CHST12: variants seen among roughly 807,000 people sequenced by gnomAD.
CHST12 encodes carbohydrate sulfotransferase 12.
Under a neutral mutation model 27.9 loss-of-function variants are expected in CHST12, and 23 were observed. That is an observed-to-expected ratio of 0.82 (90% CI 0.59 to 1.17). The LOEUF is 1.17. Among genes scored for constraint, CHST12 ranks in the 50% most tolerant of loss-of-function variants. CHST12 has a pLI of 0.00. For synonymous variants in CHST12, 322 were observed against 273.0 expected (o/e 1.18, Z -1.77); for missense variants, 682 against 603.0 (o/e 1.13, Z -1.37).
rs565178173 is a variant in CHST12 at position 2,440,515 on chromosome 7, A to G, written c.*6631A>G. 1.3e-5 allele frequency: 2 copies of G among 152,440 alleles called. No homozygotes were observed. The highest frequency in any genetic ancestry group is 4.1e-4 in the South Asian group (2 of 4,826). 9.4% of individuals were successfully genotyped at this position (152,440 alleles called of 1,614,324 possible). A position where few individuals can be genotyped will look rare whatever the true frequency, so the allele number is the denominator to read the frequency against. ...GCAGAGGGTCCCAGACTTTCCTGGG[A>G]TGATGGGAACTGGGCACCCCAGATG... is the stretch of plus-strand genomic sequence containing the variant. On this transcript the variant is annotated 3_prime_UTR_variant, in exon 2 of 2. Transcript: ENST00000618655.
At position 2,444,283 on chromosome 7, in the gene CHST12, C is replaced by CAAAAAAAAAAAA. The variant is rs1212965508; in HGVS notation, c.*10413_*10424dup. The CAAAAAAAAAAAA allele has an allele frequency of 8.7e-5, 3 of 34,334 alleles. No individual in the cohort carries two copies. The highest frequency in any genetic ancestry group is 2.6e-4 in the African/African-American group (2 of 7,662). 2.1% of individuals were successfully genotyped at this position (34,334 alleles called of 1,614,324 possible). A position where few individuals can be genotyped will look rare whatever the true frequency, so the allele number is the denominator to read the frequency against. ...TGGGCGACAGAGCGAGACTCCGTCTCAAAAAAAAAAAAAAAAAAAAAAAAA... is the reference window on the plus strand; with the variant it reads ...TGGGCGACAGAGCGAGACTCCGTCTCAAAAAAAAAAAAAAAAAAAAAAAAAAAAAAAAAAAAA... On this transcript the variant is annotated 3_prime_UTR_variant, in exon 2 of 2. Transcript: ENST00000618655.
At chr7:2,429,536 CTTT>C (rs927655604) in intron 1 of CHST12, among the ~76,000 whole-genome samples, 5 of 152,048 alleles carry the variant, frequency 3.3e-5, no homozygotes, top group African/African-American at 1.2e-4. Context: ...CCAGAGATTT[CTTT>C]TTAAGGAGCT....
chr7:2,437,655 G>C lies in CHST12; in HGVS notation c.*3771G>C, dbSNP rs1782503299. Reference sequence around the variant, plus strand: ...TGAGGTCTGAGCACGTCTGTGCCCTGAGGTGGGTGGTTTGGTGAAGGTGGG... The same window carrying C: ...TGAGGTCTGAGCACGTCTGTGCCCTCAGGTGGGTGGTTTGGTGAAGGTGGG... On this transcript the variant is annotated 3_prime_UTR_variant, in exon 2 of 2. Transcript: ENST00000618655. The C allele has an allele frequency of 6.6e-6, 1 of 152,278 alleles. No individual in the cohort carries two copies. Among genetic ancestry groups the C allele is most frequent in the Non-Finnish European group, 1.5e-5 (1 of 68,166 alleles). 9.4% of individuals were successfully genotyped at this position (152,278 alleles called of 1,614,324 possible). A position where few individuals can be genotyped will look rare whatever the true frequency, so the allele number is the denominator to read the frequency against.
intron 1 of CHST12, among the ~76,000 whole-genome samples, chr7:2,428,987 G>A (rs1164495711): frequency 2.0e-5 from 3 of 152,170 alleles, no homozygotes; most frequent in Non-Finnish European, 4.4e-5. Flanking sequence ...CCATGCGTCC[G>A]TTTGTAGGCT....
chr7:2,430,903 T>C (rs1000944474), intron 1 of CHST12, among the ~76,000 whole-genome samples: 2 of 152,366 alleles, frequency 1.3e-5, no homozygotes, highest in African/African-American at 4.8e-5. Flanking sequence ...TTCAATTCTT[T>C]TAAATTAGCT....
rs188974282 is a variant in CHST12 at position 2,431,865 on chromosome 7, G to C, written c.-77-698G>C. ...TGTTGTTGGGTCACTGTGAAGTTAA[G>C]GAATGGTTCCCAAGACCCCTCTTAC... is the stretch of plus-strand genomic sequence containing the variant. On this transcript the variant is annotated intron_variant, in intron 1 of 1. Transcript: ENST00000618655. 7.2e-3 allele frequency among the ~76,000 whole-genome samples: 1,096 copies of C among 152,152 alleles called. 11 individuals carry two copies. The highest frequency in any genetic ancestry group is 0.023 in the Admixed American group (355 of 15,256).
rs1179134335 is a variant in CHST12, at chr7:2,435,886, C to G, written c.*2002C>G. 6.6e-6 allele frequency: 1 copy of G among 152,358 alleles called. No homozygotes were observed. Among genetic ancestry groups the G allele is most frequent in the East Asian group, 1.9e-4 (1 of 5,204 alleles). 9.4% of individuals were successfully genotyped at this position (152,358 alleles called of 1,614,324 possible). On this transcript the variant is annotated 3_prime_UTR_variant, in exon 2 of 2. Coordinates refer to ENST00000618655, the MANE Select transcript of CHST12 (RefSeq NM_018641.5). ...CTGGAATACACTGGTGCAATCACAG[C>G]TCACTGCAGCTTCAACCTCCTGGGC...
intron 1 of CHST12, among the ~76,000 whole-genome samples, chr7:2,425,404 T>C (rs567434978): frequency 6.6e-5 from 10 of 151,908 alleles, no homozygotes; most frequent in Admixed American, 1.3e-4. Context: ...CCACTGAAAA[T>C]GGATATATTT....
Position 2,433,746 on chromosome 7 carries a change from G to C in CHST12, c.1107G>C (p.Arg369=). 6.2e-7 allele frequency: 1 copy of C among 1,613,890 alleles called. No homozygotes were observed. Among genetic ancestry groups the C allele is most frequent in the Non-Finnish European group, 8.5e-7 (1 of 1,180,022 alleles). ...AGCTCCGCTTCCCCCCGAGCTACCG[G>C]AACAGGACCGCCAGCAGCTGGGAGG... ...DRQLRFPPSY[R]NRTASSWEED... is the part of the protein sequence containing the mutation. The change falls in exon 2 of 2, where the codon CGG becomes CGC. Residue 369 remains arginine (R), a synonymous_variant. Transcript: ENST00000618655. The surrounding 1 kb of genome is among the most constrained non-coding windows in gnomAD (Gnocchi z 6.1).
At chr7:2,414,684 C>T (rs1050927942) in intron 1 of CHST12, among the ~76,000 whole-genome samples, 1 of 152,092 alleles carries the variant, frequency 6.6e-6, no homozygotes. Flanking sequence ...TTTTGGTATC[C>T]CAACAAATCT....
In CHST12 at chr7:2,441,703, AAAAAAAAAAAGG is replaced by A. The variant is rs1782610334; in HGVS notation, c.*7820_*7831del. 3.9e-5 allele frequency: 6 copies of A among 151,982 alleles called. No homozygotes were observed. In the South Asian group the frequency reaches 6.2e-4, roughly 16 times the overall value. The allele number at this position is 151,982 out of a possible 1,614,324, so 9.4% of individuals were successfully genotyped here. A position where few individuals can be genotyped will look rare whatever the true frequency, so the allele number is the denominator to read the frequency against. On this transcript the variant is annotated 3_prime_UTR_variant, in exon 2 of 2. Coordinates refer to ENST00000618655, the MANE Select transcript of CHST12 (RefSeq NM_018641.5). Reference sequence around the variant, plus strand: ...GCAAGATCTTGTCTTAAAAAAAAAAAAAAAAAAAAAGGTGTTGTATTTTATCATTAGAAGGCC... The same window carrying A: ...GCAAGATCTTGTCTTAAAAAAAAAAATGTTGTATTTTATCATTAGAAGGCC...
At position 2,435,815 on chromosome 7, in the gene CHST12, T is replaced by A. The variant is rs1166854441; in HGVS notation, c.*1931T>A. The A allele has an allele frequency of 6.6e-6, 1 of 152,358 alleles. No homozygotes were observed. The allele number at this position is 152,358 out of a possible 1,614,324, so 9.4% of individuals were successfully genotyped here. On this transcript the variant is annotated 3_prime_UTR_variant, in exon 2 of 2. Coordinates refer to ENST00000618655, the MANE Select transcript of CHST12 (RefSeq NM_018641.5). ...CTGAAGCTTCGCTTTCTTTTATTTT[T>A]GTTTTGTTTTGTTTTTGGAGACAGG...
In CHST12 at chr7:2,403,673, G is replaced by A. The variant is rs1744092073; in HGVS notation, c.-78G>A. ...GAGGGGCGCGAGGTGAGGGTCGCGA[G>A]GTGAGGGGCGCGGCGGGCGGCGGGC... On this transcript the variant is annotated splice_region_variant and 5_prime_UTR_variant, in exon 1 of 2. Transcript: ENST00000618655. The A allele has an allele frequency of 6.6e-6, 1 of 152,300 alleles. No homozygotes were observed. The highest frequency in any genetic ancestry group is 1.8e-4 in the South Asian group (1 of 5,508). The allele number at this position is 152,300 out of a possible 1,614,324, so 9.4% of individuals were successfully genotyped here.
chr7:2,423,846 C>G (rs1005055602), intron 1 of CHST12, among the ~76,000 whole-genome samples: 2 of 152,174 alleles, frequency 1.3e-5, no homozygotes, highest in African/African-American at 4.8e-5. Flanking sequence ...GCGGGTAAAT[C>G]ATTTGAGCCC....
chr7:2,431,978 C>T (rs1404600733), intron 1 of CHST12, among the ~76,000 whole-genome samples: 1 of 151,770 alleles, frequency 6.6e-6, no homozygotes, highest in Non-Finnish European at 1.5e-5. Context: ...TCACTGATCA[C>T]AGTTATTCTT....
chr7:2,432,879 G>T lies in CHST12; in HGVS notation c.240G>T (p.Gln80His). Residue 80 changes from glutamine (Q) to histidine (H), a missense_variant, in exon 2 of 2, where the codon CAG (glutamine) becomes CAT (histidine). Coordinates refer to ENST00000618655, the MANE Select transcript of CHST12 (RefSeq NM_018641.5). ...AGTTTCTCAGTGCTGGCGTGAAGCA[G>T]AGCGACCTTCCCAGAAAGGAGACGG... Reference protein sequence around the residue: ...LDKFLSAGVKQSDLPRKETEQ... With the variant: ...LDKFLSAGVKHSDLPRKETEQ... The T allele has an allele frequency of 6.2e-7, 1 of 1,613,650 alleles. No individual in the cohort carries two copies. The highest frequency in any genetic ancestry group is 8.5e-7 in the Non-Finnish European group (1 of 1,179,894).
chr7:2,432,378 G>C (rs1782294743), intron 1 of CHST12, among the ~76,000 whole-genome samples, 185 bp from the exon 2 acceptor site: 1 of 152,034 alleles, frequency 6.6e-6, no homozygotes, highest in African/African-American at 2.4e-5. Flanking sequence ...ACTGGTGCTC[G>C]GGCACATGGA....
At chr7:2,407,605 C>T (rs1781557853) in intron 1 of CHST12, among the ~76,000 whole-genome samples, 1 of 152,158 alleles carries the variant, frequency 6.6e-6, no homozygotes, top group African/African-American at 2.4e-5. Flanking sequence ...AGGTATCCTT[C>T]ACTTTCATAG....
chr7:2,419,194 AGCCCAGG>A (rs1562513373), intron 1 of CHST12, among the ~76,000 whole-genome samples: 1 of 152,050 alleles, frequency 6.6e-6, no homozygotes, highest in Non-Finnish European at 1.5e-5. Flanking sequence ...AGATCACTTG[AGCCCAGG>A]AGTTCAAGAC....
Sources: gnomAD v4.1 joint callset for allele counts (sites outside exome capture counted in the v4.1 genomes callset) on GRCh38, gnomAD v4.1.1 for gene constraint, Gnocchi (gnomAD v3.1) non-coding constraint, MANE v1.5 for transcripts, NCBI Gene and HGNC (gene_info 2026-07-23, HGNC 2026-07-21) for gene names.